TANGO6: variants seen among roughly 807,000 people sequenced by gnomAD.
TANGO6 encodes transport and Golgi organization protein 6 homolog.
Under a neutral mutation model 114.2 loss-of-function variants are expected in TANGO6, and 90 were observed. The ratio of observed to expected loss-of-function variants is 0.79; its 90% CI spans 0.66 to 0.94. The LOEUF is 0.94. Ranked by LOEUF, TANGO6 falls within the 40% of genes least tolerant of loss-of-function variation. TANGO6 has a pLI of 0.00. For synonymous variants in TANGO6, 477 were observed against 509.8 expected (o/e 0.94, Z 0.87); for missense variants, 1,274 against 1,315.3 (o/e 0.97, Z 0.49).
rs755850601 is a variant in TANGO6 at position 68,974,071 on chromosome 16, G to A, written c.2745G>A (p.Pro915=). The change falls in exon 15 of 18, where the codon CCG becomes CCA. Residue 915 remains proline, a synonymous_variant. Coordinates refer to ENST00000261778, the MANE Select transcript of TANGO6 (RefSeq NM_024562.2). The part of the protein sequence containing the change: ...LSDVYPEKIL[P]DLLAQYDSSK... Reference sequence around the variant, plus strand: ...ACGTCTATCCTGAGAAAATCTTGCCGGACTTGTTGGCTCAATATGACAGCA... The same window carrying A: ...ACGTCTATCCTGAGAAAATCTTGCCAGACTTGTTGGCTCAATATGACAGCA... The A allele has an allele frequency of 1.9e-5, 30 of 1,612,866 alleles. No homozygotes were observed. Among genetic ancestry groups the A allele is most frequent in the East Asian group, 4.5e-5 (2 of 44,858 alleles).
chr16:69,045,934 C>T (rs1172264415), intron 17 of TANGO6, among the ~76,000 whole-genome samples: 1 of 146,846 alleles, frequency 6.8e-6, no homozygotes, highest in East Asian at 2.1e-4. Context: ...CGTGGTGTCA[C>T]GCATCTGTAA....
Position 68,885,888 on chromosome 16 carries a change from G to A in TANGO6, c.1377+5258G>A, listed in dbSNP as rs78002446. Among the ~76,000 whole-genome samples, 987 of 152,136 alleles carry A rather than the reference G, an allele frequency of 6.5e-3. 9 individuals are homozygous for A. The highest frequency in any genetic ancestry group is 0.022 in the African/African-American group (896 of 41,506). ...AGTTTTTGTGTGAACCTATGTTATCGTTTCTTTTGCCTGTATACCTTGGAG... is the reference window on the plus strand; with the variant it reads ...AGTTTTTGTGTGAACCTATGTTATCATTTCTTTTGCCTGTATACCTTGGAG... On this transcript the variant is annotated intron_variant, in intron 7 of 17. Coordinates refer to ENST00000261778, the MANE Select transcript of TANGO6 (RefSeq NM_024562.2).
At chr16:68,856,757 A>G (rs1227128499) in intron 1 of TANGO6, among the ~76,000 whole-genome samples, 3 of 152,208 alleles carry the variant, frequency 2.0e-5, no homozygotes, top group East Asian at 3.8e-4. Context: ...TGACAAATGC[A>G]TAATATCATA....
At chr16:69,071,505 A>G (rs1960296625) in intron 17 of TANGO6, among the ~76,000 whole-genome samples, 1 of 152,232 alleles carries the variant, frequency 6.6e-6, no homozygotes, top group African/African-American at 2.4e-5. Context: ...TCATTCACCA[A>G]GTTCCAGTAG....
chr16:68,947,020 G>A (rs748673275), intron 14 of TANGO6, among the ~76,000 whole-genome samples: 3 of 152,106 alleles, frequency 2.0e-5, no homozygotes, highest in Non-Finnish European at 2.9e-5. Context: ...AGTTAAGTTC[G>A]TTTTTCAAGA....
chr16:68,963,826 T>G (rs1442423481), intron 14 of TANGO6, among the ~76,000 whole-genome samples: 1 of 152,242 alleles, frequency 6.6e-6, no homozygotes, highest in Non-Finnish European at 1.5e-5. Flanking sequence ...AACTCTATCA[T>G]GCACATATCA....
intron 3 of TANGO6, 22 bp downstream of exon 3, chr16:68,863,083 TG>T (rs1962125609): frequency 1.2e-5 from 16 of 1,382,768 alleles, no homozygotes; most frequent in Non-Finnish European, 1.6e-5. Flanking sequence ...TAGGGACTCT[TG>T]GGGGTGACTC....
chr16:69,044,321 C>T (rs569268276), intron 17 of TANGO6, among the ~76,000 whole-genome samples: 1 of 152,194 alleles, frequency 6.6e-6, no homozygotes, highest in African/African-American at 2.4e-5. Flanking sequence ...GTGCCTGGCC[C>T]TGCATTCACT....
At chr16:68,884,660 G>T (rs1433194704) in intron 7 of TANGO6, among the ~76,000 whole-genome samples, 1 of 151,908 alleles carries the variant, frequency 6.6e-6, no homozygotes, top group Admixed American at 6.6e-5. Context: ...ACTAAATTTT[G>T]GTGCAAACCC....
chr16:69,016,988 T>A (rs1468641148), intron 15 of TANGO6, among the ~76,000 whole-genome samples: 2 of 152,204 alleles, frequency 1.3e-5, no homozygotes, highest in Non-Finnish European at 2.9e-5. Context: ...TGACACATGG[T>A]TTCAACGTTA....
At chr16:68,851,542 A>G (rs919680163) in intron 1 of TANGO6, among the ~76,000 whole-genome samples, 4 of 152,186 alleles carry the variant, frequency 2.6e-5, no homozygotes, top group African/African-American at 4.8e-5. Context: ...TTATAGCTGC[A>G]TAGTTTATTC....
chr16:68,903,595 G>C (rs1962811696), intron 9 of TANGO6, among the ~76,000 whole-genome samples: 1 of 130,926 alleles, frequency 7.6e-6, no homozygotes, highest in African/African-American at 3.0e-5. Context: ...TCCAGCCTGG[G>C]CAACAGGGCG....
intron 11 of TANGO6, among the ~76,000 whole-genome samples, chr16:68,916,403 C>T (rs1426915692): frequency 6.6e-6 from 1 of 152,126 alleles, no homozygotes; most frequent in African/African-American, 2.4e-5. Context: ...TAACTAACAC[C>T]TGATGATCTG....
At chr16:68,886,799 T>C (rs1324505722) in intron 7 of TANGO6, among the ~76,000 whole-genome samples, 6 of 131,044 alleles carry the variant, frequency 4.6e-5, no homozygotes, top group Non-Finnish European at 8.2e-5. Context: ...GCATGAGCCA[T>C]TGCACCTGGC....
intron 7 of TANGO6, among the ~76,000 whole-genome samples, chr16:68,880,906 T>A (rs1414839804): frequency 6.6e-6 from 1 of 152,150 alleles, no homozygotes; most frequent in African/African-American, 2.4e-5. Context: ...TGGTTTTCAC[T>A]TTGAAAACCA....
intron 17 of TANGO6, among the ~76,000 whole-genome samples, chr16:69,083,060 T>G (rs1297024240): frequency 2.0e-5 from 3 of 150,832 alleles, no homozygotes; most frequent in Admixed American, 6.6e-5. Context: ...CACCCCTGCC[T>G]CCTTCTCCAA....
chr16:68,870,923 G>A (rs1333609745), intron 4 of TANGO6, among the ~76,000 whole-genome samples: 1 of 151,182 alleles, frequency 6.6e-6, no homozygotes, highest in Admixed American at 6.6e-5. Context: ...TGGGATTACA[G>A]GTGCCAGCCA....
chr16:68,989,832 T>A (rs1963932223), intron 15 of TANGO6, among the ~76,000 whole-genome samples: 1 of 152,184 alleles, frequency 6.6e-6, no homozygotes, highest in African/African-American at 2.4e-5. Context: ...CTCAGTTCAG[T>A]TCTTTTAGCC....
chr16:68,856,063 C>T (rs908172277), intron 1 of TANGO6, among the ~76,000 whole-genome samples: 2 of 151,928 alleles, frequency 1.3e-5, no homozygotes, highest in Non-Finnish European at 2.9e-5. Flanking sequence ...AACAATGATT[C>T]CATCTGTGAA....
Sources: gnomAD v4.1 joint callset for allele counts (sites outside exome capture counted in the v4.1 genomes callset) on GRCh38, gnomAD v4.1.1 for gene constraint, MANE v1.5 for transcripts, NCBI Gene and HGNC (gene_info 2026-07-23, HGNC 2026-07-21) for gene names.